Variants in TMEM232 observed in about 807,000 individuals in gnomAD.
The protein encoded by TMEM232 is transmembrane protein 232.
A neutral mutation model predicts 78.8 loss-of-function variants in TMEM232; 80 were observed. The ratio of observed to expected loss-of-function variants is 1.01; its 90% confidence interval spans 0.85 to 1.22. TMEM232 has a LOEUF of 1.22. TMEM232 is among the 50% of genes most tolerant of loss of function. The pLI is 0.00. For missense variants in TMEM232, 881 were observed against 742.2 expected (o/e 1.19, Z -2.17); for synonymous variants, 297 against 254.3 (o/e 1.17, Z -1.60).
chr5:110,677,419 T>C (rs1302145260), intron 1 of TMEM232, among the ~76,000 whole-genome samples: 1 of 152,192 alleles, frequency 6.6e-6, no homozygotes, highest in Non-Finnish European at 1.5e-5. Context: ...AACTGTGAGA[T>C]AGTAAATGAA....
chr5:110,523,050 G>A (rs901395872), intron 12 of TMEM232, among the ~76,000 whole-genome samples: 2 of 152,088 alleles, frequency 1.3e-5, no homozygotes, highest in African/African-American at 4.8e-5. Flanking sequence ...TTCATCACTG[G>A]GAAGTTTTTT....
chr5:110,446,680 A>G lies in TMEM232; in HGVS notation c.1704-21764T>C, dbSNP rs538812679. On this transcript the variant is annotated intron_variant, in intron 12 of 13. Transcript: ENST00000455884. ...TAATATCCCACCACTGTTTTATTCCATAAGTTCTTAACTGTGAAGTCTTGA... is the reference window on the plus strand; with the variant it reads ...TAATATCCCACCACTGTTTTATTCCGTAAGTTCTTAACTGTGAAGTCTTGA... 1.4e-4 allele frequency among the ~76,000 whole-genome samples: 22 copies of G among 152,304 alleles called. No individual in the cohort carries two copies. The Middle Eastern group carries it at 0.014, about 94-fold the overall frequency.
rs6891169 is a variant in TMEM232, at chr5:110,515,977, C to T, written c.1703+12611G>A. Among the ~76,000 whole-genome samples, 203 of 152,308 alleles carry T rather than the reference C, an allele frequency of 1.3e-3. 3 individuals are homozygous for T. Among genetic ancestry groups the T allele is most frequent in the African/African-American group, 4.4e-3 (183 of 41,560 alleles). On this transcript the variant is annotated intron_variant, in intron 12 of 13. Transcript: ENST00000455884. The stretch of plus-strand genomic sequence containing the variant: ...ATTTGAGGCCGGGCACGGTGGCTCA[C>T]GCCTGTAATCCCAGCACTTTGGGAG...
At chr5:110,426,629 C>T (rs1463674269) in intron 12 of TMEM232, among the ~76,000 whole-genome samples, 1 of 151,912 alleles carries the variant, frequency 6.6e-6, no homozygotes, top group Admixed American at 6.6e-5. Context: ...AAAAATGGAA[C>T]CCTCTCCCAA....
chr5:110,529,320 A>C (rs962892102), intron 11 of TMEM232, among the ~76,000 whole-genome samples: 1 of 152,016 alleles, frequency 6.6e-6, no homozygotes. Flanking sequence ...ATCTTGGCTC[A>C]CTGCAACCTC....
intron 12 of TMEM232, among the ~76,000 whole-genome samples, chr5:110,456,368 A>T (rs915444155): frequency 6.6e-6 from 1 of 152,170 alleles, no homozygotes; most frequent in Admixed American, 6.5e-5. Flanking sequence ...TATATGCAAC[A>T]AAGTAAAAAA....
intron 1 of TMEM232, among the ~76,000 whole-genome samples, chr5:110,675,710 T>C (rs1303839240): frequency 1.3e-5 from 2 of 152,228 alleles, no homozygotes; most frequent in Non-Finnish European, 2.9e-5. Flanking sequence ...TTTTCATATA[T>C]GCATACATTG....
intron 12 of TMEM232, among the ~76,000 whole-genome samples, chr5:110,481,773 A>G (rs919315403): frequency 3.3e-5 from 5 of 152,176 alleles, no homozygotes; most frequent in Admixed American, 6.5e-5. Context: ...GGTCTTTTAC[A>G]TCCAGGTTCT....
At chr5:110,537,722 G>A (rs1212192055) in intron 11 of TMEM232, among the ~76,000 whole-genome samples, 1 of 152,232 alleles carries the variant, frequency 6.6e-6, no homozygotes, top group African/African-American at 2.4e-5. Context: ...TTGGGAAGTA[G>A]CAAGAGCTGA....
intron 1 of TMEM232, among the ~76,000 whole-genome samples, chr5:110,691,821 T>C (rs1250989248): frequency 6.6e-6 from 1 of 152,248 alleles, no homozygotes; most frequent in African/African-American, 2.4e-5. Flanking sequence ...AGAATGTCAC[T>C]TTCACTTCAC....
At chr5:110,548,385 T>C (rs1774043782) in intron 11 of TMEM232, among the ~76,000 whole-genome samples, 2 of 147,930 alleles carry the variant, frequency 1.4e-5, no homozygotes, top group Admixed American at 6.7e-5. Flanking sequence ...ATAATTAATC[T>C]TAAATATTAA....
chr5:110,561,867 T>A (rs573430197), intron 11 of TMEM232, among the ~76,000 whole-genome samples: 21 of 152,230 alleles, frequency 1.4e-4, no homozygotes, highest in Admixed American at 7.2e-4. Context: ...ACATGGCAGT[T>A]ACTGGGTTCC....
At chr5:110,569,301 G>A (rs1378151954) in intron 10 of TMEM232, among the ~76,000 whole-genome samples, 1 of 151,732 alleles carries the variant, frequency 6.6e-6, no homozygotes, top group Admixed American at 6.6e-5. Context: ...TTAGAGAAAG[G>A]AGAAAGACAT....
At chr5:110,733,063 T>A (rs1036726526) in intron 2 of TMEM232, among the ~76,000 whole-genome samples, 5 of 152,106 alleles carry the variant, frequency 3.3e-5, no homozygotes, top group Admixed American at 2.6e-4. Flanking sequence ...CCAACATGTA[T>A]ATGAAAAAAA....
intron 8 of TMEM232, among the ~76,000 whole-genome samples, chr5:110,612,199 G>GTT (rs1782390517): frequency 6.6e-6 from 1 of 152,106 alleles, no homozygotes; most frequent in Non-Finnish European, 1.5e-5. Context: ...GTTCATAGGG[G>GTT]TTAAGCAACA....
chr5:110,457,232 A>G (rs902710712), intron 12 of TMEM232, among the ~76,000 whole-genome samples: 1 of 152,128 alleles, frequency 6.6e-6, no homozygotes, highest in Non-Finnish European at 1.5e-5. Flanking sequence ...AGATACCTGA[A>G]TAAAGATGTA....
intron 3 of TMEM232, among the ~76,000 whole-genome samples, chr5:110,393,883 G>A (rs558409691): frequency 8.0e-5 from 12 of 150,838 alleles, no homozygotes; most frequent in East Asian, 5.9e-4. Flanking sequence ...ACTTGAACCC[G>A]GGAGGCAGAG....
intron 8 of TMEM232, 98 bp from the exon 9 acceptor site, chr5:110,606,385 C>T: frequency 8.6e-7 from 1 of 1,166,864 alleles, no homozygotes; most frequent in Non-Finnish European, 1.2e-6. Context: ...AGAGGAAATG[C>T]ATGTCTGCAT....
At chr5:110,695,950 T>G (rs1279089421) in intron 1 of TMEM232, among the ~76,000 whole-genome samples, 1 of 152,212 alleles carries the variant, frequency 6.6e-6, no homozygotes. Flanking sequence ...CTAACTCATT[T>G]TATGAGGCCA....
Sources: allele counts gnomAD v4.1 joint callset (sites outside exome capture counted in the v4.1 genomes callset), GRCh38; gene constraint gnomAD v4.1.1; transcripts MANE v1.5; gene names NCBI Gene and HGNC (gene_info 2026-07-23, HGNC 2026-07-21).